TINAG: variants seen among roughly 807,000 people sequenced by gnomAD.
The protein encoded by TINAG is tubulointerstitial nephritis antigen.
In TINAG, 83 loss-of-function variants were observed where a neutral mutation model predicts 72.7. The ratio of observed to expected loss-of-function variants is 1.14; its 90% CI spans 0.96 to 1.37. The LOEUF (loss-of-function observed/expected upper bound fraction) is 1.37. Among genes scored for constraint, TINAG ranks in the 40% most tolerant of loss-of-function variants. The pLI, the probability that TINAG is intolerant of heterozygous loss-of-function variation, is 0.00. For missense variants in TINAG, 685 were observed against 576.6 expected, an observed-to-expected ratio of 1.19 and a Z score of -1.93; for synonymous variants, 234 against 189.9, an observed-to-expected ratio of 1.23 and a Z score of -1.91.
At chr6:54,338,624 T>TGAG (rs1459742819) in intron 4 of TINAG, among the ~76,000 whole-genome samples, 1 of 146,884 alleles carries the variant, frequency 6.8e-6, no homozygotes, top group Non-Finnish European at 1.5e-5. Flanking sequence ...CTCGGGAGGC[T>TGAG]GAGGCAGGAG....
chr6:54,347,602 AC>A lies in TINAG; in HGVS notation c.899+86del. 2.2e-6 allele frequency: 3 copies of A among 1,388,480 alleles called. No individual in the cohort carries two copies. In the South Asian group the frequency reaches 4.3e-5, roughly 20 times the overall value. 86.0% of individuals were successfully genotyped at this position (1,388,480 alleles called of 1,614,324 possible). ...CAAGGAAAATAATCCCAAGATTTTT[AC>A]AAAAAAGTACTTAAAAATATATATA... On this transcript the variant is annotated intron_variant, in intron 6 of 10. Coordinates refer to ENST00000259782, the MANE Select transcript of TINAG (RefSeq NM_014464.4).
At chr6:54,347,211 G>C (rs932881510) in intron 5 of TINAG, among the ~76,000 whole-genome samples, 156 bp from the exon 6 acceptor site, 1 of 152,080 alleles carries the variant, frequency 6.6e-6, no homozygotes, top group African/African-American at 2.4e-5. Context: ...CAGTTCAACT[G>C]TCTGGAATAC....
chr6:54,377,948 G>A (rs932370646), intron 9 of TINAG, among the ~76,000 whole-genome samples: 8 of 151,972 alleles, frequency 5.3e-5, no homozygotes, highest in African/African-American at 1.9e-4. Flanking sequence ...ATATCATCGG[G>A]GAAAGAACCC....
At chr6:54,349,933 T>C in intron 7 of TINAG, 37 bp downstream of exon 7, 2 of 1,462,740 alleles carry the variant, frequency 1.4e-6, no homozygotes, top group Non-Finnish European at 1.8e-6. Flanking sequence ...ATAGTTGGCT[T>C]TCTCAAATGT....
In TINAG at chr6:54,347,483, A is replaced by T; in HGVS notation, c.865A>T (p.Ile289Phe). ...KNRHGCNSGS[I>F]DRAWWYLRKR... Reference sequence around the variant, plus strand: ...CCGTCATGGATGCAATAGTGGAAGCATCGATAGGGCTTGGTGGTACCTGAG... The same window carrying T: ...CCGTCATGGATGCAATAGTGGAAGCTTCGATAGGGCTTGGTGGTACCTGAG... Residue 289 changes from isoleucine to phenylalanine, a missense_variant, in exon 6 of 11, where the codon ATC becomes TTC. Physicochemically the swap from Ile to Phe is conservative, Grantham distance 21. Coordinates refer to ENST00000259782, the MANE Select transcript of TINAG (RefSeq NM_014464.4). 1 of 1,613,178 alleles carries T rather than the reference A, an allele frequency of 6.2e-7. No individual in the cohort carries two copies. Among genetic ancestry groups the T allele is most frequent in the African/African-American group, 1.3e-5 (1 of 74,962 alleles).
chr6:54,359,995 G>C (rs964009869), intron 9 of TINAG, among the ~76,000 whole-genome samples: 17 of 151,788 alleles, frequency 1.1e-4, no homozygotes, highest in Admixed American at 3.3e-4. Context: ...GAAACTATTA[G>C]ATTAAACTTA....
intron 1 of TINAG, among the ~76,000 whole-genome samples, chr6:54,310,746 TTC>T (rs1211083811): frequency 6.9e-6 from 1 of 145,680 alleles, no homozygotes; most frequent in African/African-American, 2.6e-5. Flanking sequence ...TCTCTCCCTC[TTC>T]TCTTTCTTTT....
intron 4 of TINAG, among the ~76,000 whole-genome samples, chr6:54,338,304 T>C (rs971334201): frequency 2.0e-5 from 3 of 152,168 alleles, no homozygotes; most frequent in African/African-American, 7.2e-5. Flanking sequence ...TTCTTCTCTA[T>C]GAAGAAGTAT....
rs558616919 is a variant in TINAG at position 54,384,368 on chromosome 6, G to T, written c.1296+3797G>T. 3.3e-5 allele frequency among the ~76,000 whole-genome samples: 5 copies of T among 151,990 alleles called. No homozygotes were observed. In the South Asian group the frequency reaches 8.3e-4, roughly 25 times the overall value. ...AAATTATAATAAAAAATGAGTTCCT[G>T]AATTCATGAATGCAAACATTGCAAG... On this transcript the variant is annotated intron_variant, in intron 10 of 10. Transcript: ENST00000259782.
intron 9 of TINAG, 125 bp from the exon 10 acceptor site, chr6:54,380,401 T>A: frequency 1.5e-6 from 1 of 680,530 alleles, no homozygotes. Context: ...GATATTTCCA[T>A]TGTGAAACAG....
chr6:54,320,767 A>T (rs1784473034), intron 2 of TINAG, 125 bp downstream of exon 2: 2 of 649,354 alleles, frequency 3.1e-6, no homozygotes, highest in Non-Finnish European at 2.5e-6. Flanking sequence ...ACATCATAAG[A>T]CATCATGTAC....
At chr6:54,382,913 C>A (rs886962985) in intron 10 of TINAG, among the ~76,000 whole-genome samples, 1 of 152,120 alleles carries the variant, frequency 6.6e-6, no homozygotes, top group East Asian at 1.9e-4. Flanking sequence ...CCTATCTTCT[C>A]ACCATAAACA....
chr6:54,343,411 G>T lies in TINAG; in HGVS notation c.748+62G>T. The T allele has an allele frequency of 2.3e-6, 3 of 1,326,162 alleles. No individual in the cohort carries two copies. The South Asian group carries it at 7.3e-5, about 32-fold the overall frequency. The allele number at this position is 1,326,162 out of a possible 1,614,324, so 82.1% of individuals were successfully genotyped here. On this transcript the variant is annotated intron_variant, in intron 5 of 10. Transcript: ENST00000259782. ...CTCCTTTTGGCTCTAGAGACTGAGAGAATAATTGAACAATTTTAACAATTA... is the reference window on the plus strand; with the variant it reads ...CTCCTTTTGGCTCTAGAGACTGAGATAATAATTGAACAATTTTAACAATTA...
intron 4 of TINAG, among the ~76,000 whole-genome samples, chr6:54,328,773 C>A (rs1784668133): frequency 6.6e-6 from 1 of 151,790 alleles, no homozygotes; most frequent in Non-Finnish European, 1.5e-5. Context: ...GAGAGAAGAA[C>A]ATAAATGACC....
intron 9 of TINAG, among the ~76,000 whole-genome samples, chr6:54,377,532 A>T (rs981133698): frequency 1.3e-5 from 2 of 152,046 alleles, no homozygotes; most frequent in African/African-American, 4.8e-5. Context: ...AAATAAATAA[A>T]TAAGAAATAA....
intron 9 of TINAG, among the ~76,000 whole-genome samples, chr6:54,377,061 A>G (rs1415854140): frequency 4.6e-5 from 7 of 152,194 alleles, no homozygotes; most frequent in Admixed American, 3.3e-4. Context: ...AGTCTTAAAA[A>G]ATAATTGAAA....
chr6:54,387,737 G>A (rs771885468), intron 10 of TINAG, among the ~76,000 whole-genome samples: 1 of 152,104 alleles, frequency 6.6e-6, no homozygotes, highest in Non-Finnish European at 1.5e-5. Flanking sequence ...AAGATGAAAA[G>A]TTAAATCTTT....
intron 1 of TINAG, among the ~76,000 whole-genome samples, chr6:54,314,064 A>C (rs3798276): frequency 0.44 from 66,505 of 152,082 alleles, 16,108 homozygotes; most frequent in Middle Eastern, 0.58. Context: ...ATTAAGAAGC[A>C]TCGTGTGACT....
chr6:54,346,166 A>G (rs1186286305), intron 5 of TINAG, among the ~76,000 whole-genome samples: 1 of 152,052 alleles, frequency 6.6e-6, no homozygotes. Context: ...ATTTTGGTAC[A>G]ATGATCAAAA....
Sources: allele counts gnomAD v4.1 joint callset (sites outside exome capture counted in the v4.1 genomes callset), GRCh38; gene constraint gnomAD v4.1.1; transcripts MANE v1.5; gene names NCBI Gene and HGNC (gene_info 2026-07-23, HGNC 2026-07-21).